The following GBE1 variants were observed in gnomAD, a reference collection of about 807,000 sequenced individuals.
GBE1 encodes the protein 1,4-alpha-glucan branching enzyme 1.
Under a neutral mutation model 88.8 loss-of-function variants are expected in GBE1, and 70 were observed. That is an observed-to-expected ratio of 0.79 (90% CI 0.65 to 0.96). The LOEUF (loss-of-function observed/expected upper bound fraction) is 0.96. GBE1 is among the 40% of genes least tolerant of loss of function. The pLI, the probability that GBE1 is intolerant of heterozygous loss-of-function variation, is 0.00. For synonymous variants in GBE1, 284 were observed against 300.1 expected (o/e 0.95, Z 0.56); for missense variants, 872 against 871.0 (o/e 1.00, Z -0.01).
intron 14 of GBE1, among the ~76,000 whole-genome samples, chr3:81,508,266 A>C (rs966010438): frequency 6.6e-6 from 1 of 152,158 alleles, no homozygotes; most frequent in African/African-American, 2.4e-5. Context: ...CTAGAAGATT[A>C]TATAACTTAA....
At chr3:81,737,262 AATAT>A (rs1706269765) in intron 1 of GBE1, among the ~76,000 whole-genome samples, 1 of 143,672 alleles carries the variant, frequency 7.0e-6, no homozygotes, top group Admixed American at 7.2e-5. Context: ...TATTTATATA[AATAT>A]ATATATTCAT....
At chr3:81,650,016 G>T in intron 3 of GBE1, 95 bp from the exon 4 acceptor site, 1 of 946,466 alleles carries the variant, frequency 1.1e-6, no homozygotes, top group Non-Finnish European at 1.6e-6. Flanking sequence ...AGGAAAGGAG[G>T]ACTGATCTTA....
chr3:81,536,189 T>C (rs1367938628), intron 13 of GBE1, among the ~76,000 whole-genome samples: 4 of 151,696 alleles, frequency 2.6e-5, no homozygotes, highest in African/African-American at 4.8e-5. Context: ...TTACTGAATA[T>C]ATAAATACCT....
At chr3:81,723,337 G>A (rs1018078016) in intron 1 of GBE1, among the ~76,000 whole-genome samples, 7 of 149,820 alleles carry the variant, frequency 4.7e-5, no homozygotes, top group East Asian at 2.0e-4. Flanking sequence ...TCCTGACCTC[G>A]TGATCCGCCC....
chr3:81,640,124 T>A (rs562094761), intron 7 of GBE1, among the ~76,000 whole-genome samples: 1 of 152,212 alleles, frequency 6.6e-6, no homozygotes, highest in East Asian at 1.9e-4. Context: ...TGTTTAATAA[T>A]GTCATGACTA....
intron 13 of GBE1, among the ~76,000 whole-genome samples, chr3:81,536,094 T>C (rs995060440): frequency 2.6e-5 from 4 of 151,950 alleles, no homozygotes; most frequent in African/African-American, 7.2e-5. Flanking sequence ...TTGTTCCTAT[T>C]GAAAAGGAGC....
At chr3:81,635,133 T>G (rs540414623) in intron 7 of GBE1, among the ~76,000 whole-genome samples, 1 of 152,244 alleles carries the variant, frequency 6.6e-6, no homozygotes, top group South Asian at 2.1e-4. Context: ...TAATGATGCT[T>G]TCAACAGACA....
intron 7 of GBE1, among the ~76,000 whole-genome samples, chr3:81,606,173 TAA>T (rs1386653469): frequency 2.0e-5 from 3 of 152,172 alleles, no homozygotes; most frequent in African/African-American, 7.2e-5. Flanking sequence ...CTCTAGGAAA[TAA>T]AAGTCTATGC....
rs201166587 is a variant in GBE1, at chr3:81,648,907, C to A, written c.640G>T (p.Ala214Ser). Residue 214 changes from alanine to serine, a missense_variant, in exon 5 of 16, where the codon GCT becomes TCT. Transcript: ENST00000429644. The stretch of plus-strand genomic sequence containing the variant: ...TTGCATGTAAAATGTTTATAAGAAG[C>A]TACTTTTCCTTCATGGGAAGAAATT... Reference protein sequence around the residue: ...VGISSHEGKVASYKHFTCNVL... With the variant: ...VGISSHEGKVSSYKHFTCNVL... 1.3e-5 allele frequency: 21 copies of A among 1,586,366 alleles called. No individual in the cohort carries two copies. Among genetic ancestry groups the A allele is most frequent in the East Asian group, 2.3e-5 (1 of 44,304 alleles).
At chr3:81,666,669 C>T (rs1401399530) in intron 3 of GBE1, among the ~76,000 whole-genome samples, 1 of 152,150 alleles carries the variant, frequency 6.6e-6, no homozygotes, top group East Asian at 1.9e-4. Flanking sequence ...ACAATTTAAA[C>T]TCAACCAAAA....
rs201440355 is a variant in GBE1 at position 81,709,425 on chromosome 3, G to C, written c.144-3812C>G. Among the ~76,000 whole-genome samples the C allele has an allele frequency of 4.1e-4, 49 of 120,260 alleles. No homozygotes were observed. In the East Asian group the frequency reaches 0.013, roughly 32 times the overall value. The allele number at this position is 120,260 out of a possible 152,430, so 78.9% of individuals were successfully genotyped here. ...GTAATAACAGGCAATAAAATGATCAGTGTGGAACAATCAACAAAACAAAAA... is the reference window on the plus strand; with the variant it reads ...GTAATAACAGGCAATAAAATGATCACTGTGGAACAATCAACAAAACAAAAA... On this transcript the variant is annotated intron_variant, in intron 1 of 15. Coordinates refer to ENST00000429644, the MANE Select transcript of GBE1 (RefSeq NM_000158.4).
chr3:81,746,487 C>T (rs1448355579), intron 1 of GBE1, among the ~76,000 whole-genome samples: 4 of 152,084 alleles, frequency 2.6e-5, no homozygotes, highest in Non-Finnish European at 2.9e-5. Flanking sequence ...CTCAAAACTC[C>T]TGGGCTCATT....
At chr3:81,727,191 T>A (rs568199532) in intron 1 of GBE1, among the ~76,000 whole-genome samples, 3 of 152,346 alleles carry the variant, frequency 2.0e-5, no homozygotes, top group African/African-American at 7.2e-5. Context: ...AAAATTCTCT[T>A]CATAATTCCT....
At chr3:81,718,926 C>T (rs936497767) in intron 1 of GBE1, among the ~76,000 whole-genome samples, 18 of 151,900 alleles carry the variant, frequency 1.2e-4, no homozygotes, top group African/African-American at 3.1e-4. Flanking sequence ...TTAGCCACCG[C>T]GCCCTGCCCA....
chr3:81,649,865 C>T lies in GBE1; in HGVS notation c.486G>A (p.Lys162=). The T allele has an allele frequency of 6.2e-7, 1 of 1,611,420 alleles. No individual in the cohort carries two copies. Among genetic ancestry groups the T allele is most frequent in the African/African-American group, 1.3e-5 (1 of 74,982 alleles). The part of the protein sequence containing the change: ...EILYRISPWA[K]YVVREGDNVN... ...CATTATCACCTTCACGAACCACATA[C>T]TTTGCCCACGGTGAAATACGATACA... is the stretch of plus-strand genomic sequence containing the variant. Residue 162 remains lysine (K), a synonymous_variant, in exon 4 of 16, where the codon AAG becomes AAA. Coordinates refer to ENST00000429644, the MANE Select transcript of GBE1 (RefSeq NM_000158.4).
chr3:81,607,940 G>A (rs1485346228), intron 7 of GBE1, among the ~76,000 whole-genome samples: 1 of 152,074 alleles, frequency 6.6e-6, no homozygotes, highest in Non-Finnish European at 1.5e-5. Context: ...AAAAAGTATA[G>A]ATAAATGAAG....
chr3:81,509,235 T>C (rs950658630), intron 14 of GBE1, among the ~76,000 whole-genome samples: 1 of 151,694 alleles, frequency 6.6e-6, no homozygotes, highest in Non-Finnish European at 1.5e-5. Context: ...TAAAGTTTAA[T>C]CATACAGTAC....
intron 2 of GBE1, among the ~76,000 whole-genome samples, chr3:81,678,314 C>T (rs1705291546): frequency 6.6e-6 from 1 of 152,104 alleles, no homozygotes; most frequent in African/African-American, 2.4e-5. Context: ...TACACGCAGT[C>T]CCTCATCAAC....
chr3:81,750,697 A>AT (rs68113250), intron 1 of GBE1, among the ~76,000 whole-genome samples: 21,596 of 78,840 alleles, frequency 0.27, 5,367 homozygotes, highest in East Asian at 0.45. Context: ...ATATATATGT[A>AT]TTTTTTTTTT....
Sources: gnomAD v4.1 joint callset for allele counts (sites outside exome capture counted in the v4.1 genomes callset) on GRCh38, gnomAD v4.1.1 for gene constraint, MANE v1.5 for transcripts, NCBI Gene and HGNC (gene_info 2026-07-23, HGNC 2026-07-21) for gene names.